FHIT: variants seen among roughly 807,000 people sequenced by gnomAD.
FHIT encodes the protein fragile histidine triad diadenosine triphosphatase.
FHIT carries 19 observed loss-of-function variants against 17.9 expected under a neutral mutation model. That is an observed-to-expected ratio of 1.06 (90% CI 0.74 to 1.56). The LOEUF is 1.56. Among genes scored for constraint, FHIT ranks in the 40% most tolerant of loss-of-function variants. The pLI, the probability that FHIT is intolerant of heterozygous loss-of-function variation, is 0.00. For synonymous variants in FHIT, 81 were observed against 69.7 expected, an observed-to-expected ratio of 1.16 and a Z score of -0.81; for missense variants, 248 against 189.2, an observed-to-expected ratio of 1.31 and a Z score of -1.82.
At chr3:60,362,615 A>T (rs2107007686) in intron 5 of FHIT, among the ~76,000 whole-genome samples, 1 of 152,354 alleles carries the variant, frequency 6.6e-6, no homozygotes, top group African/African-American at 2.4e-5. Context: ...GAAACATGAG[A>T]TACATTTTTA....
chr3:60,457,302 A>G (rs2032165460), intron 5 of FHIT, among the ~76,000 whole-genome samples: 1 of 152,216 alleles, frequency 6.6e-6, no homozygotes, highest in African/African-American at 2.4e-5. Context: ...CTGATCTTTG[A>G]CAAACCTGAC....
chr3:59,799,139 C>T (rs1029294330), intron 8 of FHIT, among the ~76,000 whole-genome samples: 1 of 152,190 alleles, frequency 6.6e-6, no homozygotes, highest in African/African-American at 2.4e-5. Flanking sequence ...CAACATCTCT[C>T]AGAAAATACC....
At chr3:60,021,295 C>G (rs1171916921) in intron 5 of FHIT, among the ~76,000 whole-genome samples, 1 of 152,148 alleles carries the variant, frequency 6.6e-6, no homozygotes, top group African/African-American at 2.4e-5. Context: ...CTGAGCTGCC[C>G]TCAAAACTCC....
intron 7 of FHIT, among the ~76,000 whole-genome samples, chr3:59,974,006 T>C (rs192932855): frequency 6.6e-6 from 1 of 151,506 alleles, no homozygotes; most frequent in Non-Finnish European, 1.5e-5. Context: ...CCCACAAAAC[T>C]AGTTTGTGCC....
intron 5 of FHIT, among the ~76,000 whole-genome samples, chr3:60,241,207 G>T (rs1705112931): frequency 6.6e-6 from 1 of 152,056 alleles, no homozygotes; most frequent in East Asian, 1.9e-4. Context: ...CCTAAATTCT[G>T]TCATAATTCC....
intron 2 of FHIT, among the ~76,000 whole-genome samples, chr3:61,138,040 T>C (rs535728789): frequency 6.6e-6 from 1 of 152,322 alleles, no homozygotes; most frequent in Admixed American, 6.5e-5. Flanking sequence ...CTTGGATAAA[T>C]TACTTAACCG....
chr3:60,877,129 G>A (rs1223996577), intron 3 of FHIT, among the ~76,000 whole-genome samples: 1 of 152,128 alleles, frequency 6.6e-6, no homozygotes, highest in African/African-American at 2.4e-5. Context: ...CTCAGAGAAG[G>A]AACTAATACT....
At chr3:60,165,756 C>A (rs994369224) in intron 5 of FHIT, among the ~76,000 whole-genome samples, 2 of 152,100 alleles carry the variant, frequency 1.3e-5, no homozygotes, top group Non-Finnish European at 2.9e-5. Context: ...CTCATATATA[C>A]CAACATAAAA....
At chr3:59,798,056 C>G (rs902979391) in intron 8 of FHIT, among the ~76,000 whole-genome samples, 25 of 152,212 alleles carry the variant, frequency 1.6e-4, no homozygotes, top group African/African-American at 5.8e-4. Context: ...TGGTGATTTC[C>G]TCTTCAACAC....
chr3:60,476,210 A>G (rs442760), intron 5 of FHIT, among the ~76,000 whole-genome samples: 6,907 of 152,238 alleles, frequency 0.045, 202 homozygotes, highest in Middle Eastern at 0.1. Flanking sequence ...TGTAAAATAT[A>G]AATAAAAATA....
intron 5 of FHIT, among the ~76,000 whole-genome samples, chr3:60,468,899 C>T (rs2032938865): frequency 6.6e-6 from 1 of 152,088 alleles, no homozygotes; most frequent in Non-Finnish European, 1.5e-5. Context: ...GTCTTTATTT[C>T]TCCTAAATAT....
chr3:60,173,884 A>AATATGT (rs1701528746), intron 5 of FHIT, among the ~76,000 whole-genome samples: 1 of 30,514 alleles, frequency 3.3e-5, no homozygotes, highest in Non-Finnish European at 5.4e-5. Context: ...CCATGTTTCT[A>AATATGT]ATATATATAT....
intron 5 of FHIT, among the ~76,000 whole-genome samples, chr3:60,357,355 A>T (rs574519644): frequency 6.6e-6 from 1 of 152,128 alleles, no homozygotes; most frequent in South Asian, 2.1e-4. Context: ...CTGGGATTAC[A>T]GGCACCCATT....
At position 60,921,687 on chromosome 3, in the gene FHIT, G is replaced by A. The variant is rs75297109; in HGVS notation, c.-110-99676C>T. 2.6e-3 allele frequency among the ~76,000 whole-genome samples: 387 copies of A among 149,980 alleles called. 3 individuals are homozygous for A. Among genetic ancestry groups the A allele is most frequent in the African/African-American group, 9.3e-3 (377 of 40,596 alleles). ...TAAATCAAAAGCCACTTACTTAAAA[G>A]TGAAATGTTCATTCCTTACACTTAC... is the stretch of plus-strand genomic sequence containing the variant. On this transcript the variant is annotated intron_variant, in intron 3 of 9. Transcript: ENST00000492590.
At chr3:61,210,186 C>A (rs534550683) in intron 1 of FHIT, among the ~76,000 whole-genome samples, 2 of 152,178 alleles carry the variant, frequency 1.3e-5, no homozygotes, top group East Asian at 1.9e-4. Flanking sequence ...CAGAGGAGTA[C>A]CCGGCCGTGT....
intron 5 of FHIT, among the ~76,000 whole-genome samples, chr3:60,529,724 A>T (rs2035703006): frequency 6.6e-6 from 1 of 152,192 alleles, no homozygotes; most frequent in Non-Finnish European, 1.5e-5. Context: ...CTACTTGAAA[A>T]AGTTACTGTG....
chr3:60,162,574 T>C (rs1440902280), intron 5 of FHIT, among the ~76,000 whole-genome samples: 2 of 152,210 alleles, frequency 1.3e-5, no homozygotes, highest in African/African-American at 4.8e-5. Flanking sequence ...ATATTCTGTA[T>C]TATCAGATGC....
At chr3:59,811,994 G>T (rs1700423296) in intron 8 of FHIT, among the ~76,000 whole-genome samples, 1 of 152,088 alleles carries the variant, frequency 6.6e-6, no homozygotes, top group South Asian at 2.1e-4. Context: ...CTACCTAGGT[G>T]GATACACTCC....
chr3:60,289,861 A>C (rs542419061), intron 5 of FHIT, among the ~76,000 whole-genome samples: 36 of 152,204 alleles, frequency 2.4e-4, no homozygotes, highest in Non-Finnish European at 4.4e-4. Flanking sequence ...ATAGTTTAGC[A>C]AAGTGGCTTC....
Sources: gnomAD v4.1 joint callset for allele counts (sites outside exome capture counted in the v4.1 genomes callset) on GRCh38, gnomAD v4.1.1 for gene constraint, MANE v1.5 for transcripts, NCBI Gene and HGNC (gene_info 2026-07-23, HGNC 2026-07-21) for gene names.